The following SDK1 variants were observed in gnomAD, a reference collection of about 807,000 sequenced individuals.
SDK1 encodes sidekick cell adhesion molecule 1, also known as protein sidekick-1.
In SDK1, 157 loss-of-function variants were observed where a neutral mutation model predicts 245.5. The ratio of observed to expected loss-of-function variants is 0.64; its 90% CI spans 0.56 to 0.73. The LOEUF is 0.73. Among genes scored for constraint, SDK1 ranks in the 30% least tolerant of loss-of-function variants. SDK1 has a pLI of 0.00. For missense variants in SDK1, 3,583 were observed against 3,002.3 expected (o/e 1.19, Z -4.52); for synonymous variants, 1,647 against 1,278.5 (o/e 1.29, Z -6.15).
At chr7:4,115,052 C>T (rs893346954) in intron 25 of SDK1, among the ~76,000 whole-genome samples, 1 of 152,306 alleles carries the variant, frequency 6.6e-6, no homozygotes, top group Middle Eastern at 3.4e-3. Context: ...GACTAACTTC[C>T]GCTGGCCAAC....
At chr7:3,360,648 G>A (rs569187241) in intron 1 of SDK1, among the ~76,000 whole-genome samples, 4 of 152,142 alleles carry the variant, frequency 2.6e-5, no homozygotes, top group East Asian at 3.8e-4. Context: ...GTTGGATTGC[G>A]TGTCCTAGGT....
At chr7:3,867,188 G>C (rs905804118) in intron 5 of SDK1, among the ~76,000 whole-genome samples, 4 of 152,162 alleles carry the variant, frequency 2.6e-5, no homozygotes, top group African/African-American at 4.8e-5. Context: ...AATTAAAATT[G>C]ACCTTGGCCA....
chr7:3,722,129 C>T (rs1202391398), intron 4 of SDK1, among the ~76,000 whole-genome samples: 2 of 152,098 alleles, frequency 1.3e-5, no homozygotes, highest in Admixed American at 1.3e-4. Context: ...ATCTTCCTTC[C>T]TTGGACTCCC....
At chr7:3,771,561 C>T (rs1209356316) in intron 4 of SDK1, among the ~76,000 whole-genome samples, 1 of 152,150 alleles carries the variant, frequency 6.6e-6, no homozygotes. Flanking sequence ...GGACTGACAT[C>T]TGAGTCATTT....
At chr7:3,460,058 ATTGT>A (rs1335301229) in intron 1 of SDK1, among the ~76,000 whole-genome samples, 7 of 152,196 alleles carry the variant, frequency 4.6e-5, no homozygotes, top group African/African-American at 1.7e-4. Context: ...AGTCTATTTT[ATTGT>A]TTATTAAGAT....
At chr7:3,737,247 G>A (rs139403721) in intron 4 of SDK1, among the ~76,000 whole-genome samples, 1 of 152,340 alleles carries the variant, frequency 6.6e-6, no homozygotes, top group Non-Finnish European at 1.5e-5. Flanking sequence ...CCGGACTGCT[G>A]TCTGGGCTCT....
intron 5 of SDK1, among the ~76,000 whole-genome samples, chr7:3,831,740 A>G (rs2115074568): frequency 6.6e-6 from 1 of 152,128 alleles, no homozygotes; most frequent in South Asian, 2.1e-4. Context: ...CCCTGTATGT[A>G]AATATCGTAT....
chr7:3,353,442 A>G (rs1368917339), intron 1 of SDK1, among the ~76,000 whole-genome samples: 5 of 145,766 alleles, frequency 3.4e-5, no homozygotes, highest in African/African-American at 1.1e-4. Flanking sequence ...ATTTCTAAAA[A>G]AAATTCAAAT....
Position 3,365,385 on chromosome 7 carries a change from A to G in SDK1, c.298+63501A>G, listed in dbSNP as rs565538276. ...AACCAAGATTCTGGGTACCATTGCAATAGGAGGCCATTACTTCAGAACTCT... is the reference window on the plus strand; with the variant it reads ...AACCAAGATTCTGGGTACCATTGCAGTAGGAGGCCATTACTTCAGAACTCT... On this transcript the variant is annotated intron_variant, in intron 1 of 44. Transcript: ENST00000404826. Among the ~76,000 whole-genome samples, 235 of 152,290 alleles carry G rather than the reference A, an allele frequency of 1.5e-3. 2 individuals are homozygous for G. Among genetic ancestry groups the G allele is most frequent in the Middle Eastern group, 6.8e-3 (2 of 294 alleles).
chr7:4,090,529 T>C (rs976106820), intron 22 of SDK1, among the ~76,000 whole-genome samples: 10 of 152,234 alleles, frequency 6.6e-5, no homozygotes, highest in African/African-American at 1.9e-4. Context: ...TTCCCTCCAT[T>C]TGGCGATTTG....
intron 33 of SDK1, among the ~76,000 whole-genome samples, chr7:4,175,369 G>A (rs1455429382): frequency 1.3e-4 from 20 of 152,350 alleles, no homozygotes; most frequent in Non-Finnish European, 7.3e-5. Context: ...ACCTGGTCGC[G>A]CAGCTCTCCC....
At chr7:3,342,222 T>A (rs562153772) in intron 1 of SDK1, among the ~76,000 whole-genome samples, 1 of 152,322 alleles carries the variant, frequency 6.6e-6, no homozygotes, top group East Asian at 1.9e-4. Context: ...GATCTAAATT[T>A]TATATTTTAT....
intron 1 of SDK1, among the ~76,000 whole-genome samples, chr7:3,411,667 G>T (rs892368600): frequency 3.3e-5 from 5 of 152,060 alleles, no homozygotes; most frequent in South Asian, 2.1e-4. Context: ...ACCTGAAAAA[G>T]CTCCCTATTA....
At chr7:4,259,970 G>T (rs952691215) in intron 44 of SDK1, among the ~76,000 whole-genome samples, 2 of 152,236 alleles carry the variant, frequency 1.3e-5, no homozygotes, top group African/African-American at 4.8e-5. Flanking sequence ...AGGATCCTCA[G>T]CCAGTTGCAG....
At chr7:4,086,510 T>A (rs952377250) in intron 22 of SDK1, among the ~76,000 whole-genome samples, 1 of 152,126 alleles carries the variant, frequency 6.6e-6, no homozygotes, top group Non-Finnish European at 1.5e-5. Context: ...CTGTCAGCCA[T>A]GGTCATTCCC....
Position 4,267,248 on chromosome 7 carries a change from C to G in SDK1, c.*1864C>G. 1.6e-6 allele frequency: 1 copy of G among 623,958 alleles called. No homozygotes were observed. Among genetic ancestry groups the G allele is most frequent in the Non-Finnish European group, 2.0e-6 (1 of 501,898 alleles). 38.7% of individuals were successfully genotyped at this position (623,958 alleles called of 1,614,324 possible). A position where few individuals can be genotyped will look rare whatever the true frequency, so the allele number is the denominator to read the frequency against. On this transcript the variant is annotated 3_prime_UTR_variant, in exon 45 of 45. Transcript: ENST00000404826. ...TTCCTCCCTTCCTCTCTTCTTTCCTCCCTCCCTCCCTCCTTCCCTCCCTTC... is the reference window on the plus strand; with the variant it reads ...TTCCTCCCTTCCTCTCTTCTTTCCTGCCTCCCTCCCTCCTTCCCTCCCTTC...
chr7:3,318,578 G>A (rs1286518546), intron 1 of SDK1, among the ~76,000 whole-genome samples: 1 of 152,140 alleles, frequency 6.6e-6, no homozygotes, highest in Admixed American at 6.5e-5. Context: ...CTTATTACTT[G>A]TTTCGTGACC....
rs145890672 is a variant in SDK1, at chr7:3,718,215, C to G, written c.713+76110C>G. Among the ~76,000 whole-genome samples the G allele has an allele frequency of 9.5e-4, 145 of 152,262 alleles. 2 individuals are homozygous for G. Among genetic ancestry groups the G allele is most frequent in the Admixed American group, 3.9e-3 (60 of 15,286 alleles). ...AAAAAGCGTTTGATAAAATCCAACA[C>G]TCAGCTGGTTGCGGTGGCTCATCCC... On this transcript the variant is annotated intron_variant, in intron 4 of 44. Transcript: ENST00000404826.
chr7:3,317,898 C>T (rs974549191), intron 1 of SDK1, among the ~76,000 whole-genome samples: 1 of 152,066 alleles, frequency 6.6e-6, no homozygotes, highest in African/African-American at 2.4e-5. Flanking sequence ...TTTTATTATG[C>T]AGTGCTTATT....
Sources: allele counts gnomAD v4.1 joint callset (sites outside exome capture counted in the v4.1 genomes callset), GRCh38; gene constraint gnomAD v4.1.1; transcripts MANE v1.5; gene names NCBI Gene and HGNC (gene_info 2026-07-23, HGNC 2026-07-21).